The following RFX1 variants were observed in gnomAD, a reference collection of about 807,000 sequenced individuals.
The protein encoded by RFX1 is MHC class II regulatory factor RFX1.
In RFX1, 42 loss-of-function variants were observed where a neutral mutation model predicts 119.6. The ratio of observed to expected loss-of-function variants is 0.35; its 90% CI spans 0.27 to 0.45. The LOEUF is 0.45. Among genes scored for constraint, RFX1 ranks in the 20% least tolerant of loss-of-function variants. The probability of loss-of-function intolerance (pLI) is 1.00; values close to 1 mark genes in which losing one functional copy is unlikely to be tolerated. For synonymous variants in RFX1, 628 were observed against 618.5 expected, an observed-to-expected ratio of 1.02 and a Z score of -0.23; for missense variants, 1,118 against 1,368.1, an observed-to-expected ratio of 0.82 and a Z score of 2.88.
At chr19:13,982,031 G>C in intron 5 of RFX1, 90 bp downstream of exon 5, 1 of 524,022 alleles carries the variant, frequency 1.9e-6, no homozygotes, top group Non-Finnish European at 3.1e-6. Flanking sequence ...CTTGGGGGGC[G>C]GGGCAGGGAG....
At chr19:13,963,410 A>G in intron 18 of RFX1, 128 bp downstream of exon 18, 1 of 1,428,804 alleles carries the variant, frequency 7.0e-7, no homozygotes, top group Admixed American at 2.1e-5. Context: ...TTCCCGGCAC[A>G]TGAGCCCAGG....
chr19:13,969,790 TAAG>T lies in RFX1; in HGVS notation c.1496+201_1496+203del, dbSNP rs35517145. 1,401 of 487,068 alleles carry T rather than the reference TAAG, an allele frequency of 2.9e-3. 17 individuals carry two copies. The highest frequency in any genetic ancestry group is 0.026 in the African/African-American group (1,300 of 50,896). 30.2% of individuals were successfully genotyped at this position (487,068 alleles called of 1,614,324 possible). On this transcript the variant is annotated intron_variant, in intron 10 of 20. Transcript: ENST00000254325. This position sits in a 1 kb window ranked among gnomAD's most constrained non-coding sequence, Gnocchi z 4.5. The stretch of plus-strand genomic sequence containing the variant: ...TTGAGGCAGTCAGGGGACGTGCAAG[TAAG>T]GAGGGGTGAGAAGCACATGAGGTGG...
chr19:13,974,354 C>T lies in RFX1; in HGVS notation c.930-1227G>A, dbSNP rs373309717. Among the ~76,000 whole-genome samples, 33 of 152,260 alleles carry T rather than the reference C, an allele frequency of 2.2e-4. No homozygotes were observed. In the South Asian group the frequency reaches 4.1e-3, roughly 19 times the overall value. Reference sequence around the variant, plus strand: ...GGGGAAGCCTCTCTCCTTCAGATATCGCGTGACGGGATGGGCACCGGTGAC... The same window carrying T: ...GGGGAAGCCTCTCTCCTTCAGATATTGCGTGACGGGATGGGCACCGGTGAC... On this transcript the variant is annotated intron_variant, in intron 8 of 20. Coordinates refer to ENST00000254325, the MANE Select transcript of RFX1 (RefSeq NM_002918.5).
At chr19:13,974,040 A>G (rs1428398692) in intron 8 of RFX1, among the ~76,000 whole-genome samples, 2 of 152,124 alleles carry the variant, frequency 1.3e-5, no homozygotes, top group East Asian at 3.8e-4. Context: ...TCGAGTGCCT[A>G]CTGTGTGCTA....
rs199614802 is a variant in RFX1, at chr19:13,983,208, G to T, written c.492C>A (p.Thr164=). Reference sequence around the variant, plus strand: ...TTACCTGCTGGGGCACTTGGATGTTGGTCAGCTGGAGGGGCGACACGTGGC... The same window carrying T: ...TTACCTGCTGGGGCACTTGGATGTTTGTCAGCTGGAGGGGCGACACGTGGC... ...KPGHVSPLQL[T]NIQVPQQALP... is the part of the protein sequence containing the mutation. Residue 164 remains threonine (T), a synonymous_variant, in exon 4 of 21, where the codon ACC becomes ACA. Transcript: ENST00000254325. 4.1e-4 allele frequency: 645 copies of T among 1,578,110 alleles called. No individual in the cohort carries two copies. The highest frequency in any genetic ancestry group is 6.6e-4 in the Admixed American group (37 of 55,718).
At chr19:14,006,068 G>GGCCCC (rs1468555732) in intron 1 of RFX1, 35 bp downstream of exon 1, 2 of 152,174 alleles carry the variant, frequency 1.3e-5, no homozygotes, top group African/African-American at 4.8e-5. Flanking sequence ...CGCCCACCCC[G>GGCCCC]GCCCGGCCAG....
rs1487543211 is a variant in RFX1 at position 13,980,743 on chromosome 19, G to GGGGTGGGCTCGCATCCTCTCTC, written c.622-55_622-54insGAGAGAGGATGCGAGCCCACCC. The GGGGTGGGCTCGCATCCTCTCTC allele has an allele frequency of 2.5e-3, 3,278 of 1,305,960 alleles. 179 individuals carry two copies. Among genetic ancestry groups the GGGGTGGGCTCGCATCCTCTCTC allele is most frequent in the Non-Finnish European group, 3.2e-3 (2,961 of 930,366 alleles). 80.9% of individuals were successfully genotyped at this position (1,305,960 alleles called of 1,614,324 possible). On this transcript the variant is annotated intron_variant, in intron 5 of 20. Transcript: ENST00000254325. This position sits in a 1 kb window ranked among gnomAD's most constrained non-coding sequence, Gnocchi z 5.1. ...GCTGGGGTGGGCTTGCATCCTCTCT[G>GGGGTGGGCTCGCATCCTCTCTC]AGGTGGGCTCACACACACACCCTTC... is the stretch of plus-strand genomic sequence containing the variant.
intron 2 of RFX1, among the ~76,000 whole-genome samples, chr19:13,987,918 G>A (rs1238881824): frequency 6.6e-6 from 1 of 152,118 alleles, no homozygotes; most frequent in Non-Finnish European, 1.5e-5. Context: ...CAAGATGGGG[G>A]AGACAGAGGC....
At chr19:13,970,726 A>C (rs1974052945) in intron 9 of RFX1, among the ~76,000 whole-genome samples, 1 of 149,586 alleles carries the variant, frequency 6.7e-6, no homozygotes, top group Non-Finnish European at 1.5e-5. Flanking sequence ...TCATGCCTGT[A>C]ATCCCAGCAC....
At chr19:13,983,444 C>G (rs776171419) in intron 3 of RFX1, 42 bp downstream of exon 3, 16 of 1,494,822 alleles carry the variant, frequency 1.1e-5, no homozygotes, top group African/African-American at 5.5e-5. Flanking sequence ...CACTGCCCCC[C>G]TCCCGGGCCC....
intron 9 of RFX1, among the ~76,000 whole-genome samples, chr19:13,970,996 T>G (rs1297678991): frequency 6.7e-6 from 1 of 148,432 alleles, no homozygotes; most frequent in African/African-American, 2.6e-5. Context: ...GCAAGATTCC[T>G]TCTAAAAAAA....
In RFX1 at chr19:13,966,764, G is replaced by C. The variant is rs7252060; in HGVS notation, c.1733-13C>G. On this transcript the variant is annotated splice_polypyrimidine_tract_variant and intron_variant, in intron 12 of 20. Coordinates refer to ENST00000254325, the MANE Select transcript of RFX1 (RefSeq NM_002918.5). The surrounding 1 kb of genome is among the most constrained non-coding windows in gnomAD (Gnocchi z 6.3). ...CTCCGAGAGGCATCTAGGGGGCCGG[G>C]GGGAACCGTGAGGCCCTTCATCCCC... The C allele has an allele frequency of 1.3e-3, 2,100 of 1,572,764 alleles. 30 individuals carry two copies. In the African/African-American group the frequency reaches 0.026, roughly 19 times the overall value.
Position 14,006,222 on chromosome 19 carries a change from T to A in RFX1, c.-172A>T, listed in dbSNP as rs1002908989. On this transcript the variant is annotated 5_prime_UTR_variant, in exon 1 of 21. Coordinates refer to ENST00000254325, the MANE Select transcript of RFX1 (RefSeq NM_002918.5). ...CGGGCCTGGGGGGTGGGGGTGGGGG[T>A]CGGCCGGGCGGTTGTTGTTGTTGAC... The A allele has an allele frequency of 2.0e-5, 3 of 150,544 alleles. No homozygotes were observed. Among genetic ancestry groups the A allele is most frequent in the African/African-American group, 7.3e-5 (3 of 40,830 alleles). The allele number at this position is 150,544 out of a possible 1,614,324, so 9.3% of individuals were successfully genotyped here. A position where few individuals can be genotyped will look rare whatever the true frequency, so the allele number is the denominator to read the frequency against.
chr19:14,001,338 T>C (rs1361993347), intron 1 of RFX1, among the ~76,000 whole-genome samples: 1 of 152,240 alleles, frequency 6.6e-6, no homozygotes, highest in African/African-American at 2.4e-5. Context: ...TCTCACTCTG[T>C]TGCCCAGGCT....
rs80165125 is a variant in RFX1 at position 13,982,196 on chromosome 19, G to A, written c.546C>T (p.Ser182=). 8.0e-4 allele frequency: 1,045 copies of A among 1,311,608 alleles called. 17 individuals carry two copies. In the East Asian group the frequency reaches 0.026, roughly 32 times the overall value. 81.2% of individuals were successfully genotyped at this position (1,311,608 alleles called of 1,614,324 possible). Residue 182 remains serine, a synonymous_variant, in exon 5 of 21, where the codon AGC becomes AGT. Transcript: ENST00000254325. The part of the protein sequence containing the change: ...ALPTQRLVVQ[S]AAPGSKGGQV... ...GGCCACCTTTGCTGCCTGGGGCTGC[G>A]CTCTGCACCACCAGACGCTGCGTGG...
rs1033497501 is a variant in RFX1, at chr19:13,963,317, G to A, written c.2571-42C>T. On this transcript the variant is annotated intron_variant, in intron 18 of 20. Transcript: ENST00000254325. ...AGAGGAGACCGTCAGGCCCCGTCCG[G>A]CCCGACCCCCTCTCCCCCTCCCCGC... 2.5e-6 allele frequency: 4 copies of A among 1,571,380 alleles called. No individual in the cohort carries two copies. The African/African-American group carries it at 5.4e-5, about 21-fold the overall frequency.
At position 13,962,528 on chromosome 19, in the gene RFX1, CTGAT is replaced by C. The variant is rs1000350953; in HGVS notation, c.*163_*166del. 3.3e-6 allele frequency: 2 copies of C among 598,038 alleles called. No individual in the cohort carries two copies. The highest frequency in any genetic ancestry group is 5.6e-6 in the Non-Finnish European group (2 of 356,070). 37.0% of individuals were successfully genotyped at this position (598,038 alleles called of 1,614,324 possible). ...TGCAGCTGCGGCTCCGCCCAGCCCA[CTGAT>C]TGTGCCGGCCCCATAAGGGAGGAGG... is the stretch of plus-strand genomic sequence containing the variant. On this transcript the variant is annotated 3_prime_UTR_variant, in exon 21 of 21. Transcript: ENST00000254325.
chr19:13,998,918 A>C lies in RFX1; in HGVS notation c.-52-5023T>G, dbSNP rs1434802267. Among the ~76,000 whole-genome samples, 4 of 152,136 alleles carry C rather than the reference A, an allele frequency of 2.6e-5. No individual in the cohort carries two copies. The East Asian group carries it at 7.7e-4, about 29-fold the overall frequency. On this transcript the variant is annotated intron_variant, in intron 1 of 20. Transcript: ENST00000254325. ...TAGGGATACAAAGCCCATGGGCCTC[A>C]TCCCTTCCACTCAGGGGCAAGAAGA...
At chr19:13,967,200 G>A (rs1398138677) in intron 12 of RFX1, among the ~76,000 whole-genome samples, 5 of 152,208 alleles carry the variant, frequency 3.3e-5, no homozygotes, top group Non-Finnish European at 7.3e-5. Context: ...CTCCAAATGG[G>A]ATGTCCCGGC....
Sources: gnomAD v4.1 joint callset for allele counts (sites outside exome capture counted in the v4.1 genomes callset) on GRCh38, gnomAD v4.1.1 for gene constraint, Gnocchi (gnomAD v3.1) non-coding constraint, MANE v1.5 for transcripts, NCBI Gene and HGNC (gene_info 2026-07-23, HGNC 2026-07-21) for gene names.